The following TNPO1 variants were observed in gnomAD, a reference collection of about 807,000 sequenced individuals.
The protein encoded by TNPO1 is transportin 1, also known as transportin-1.
In TNPO1, 8 loss-of-function variants were observed where a neutral mutation model predicts 119.5. That is an observed-to-expected ratio of 0.07 (90% CI 0.04 to 0.12). TNPO1 has a LOEUF of 0.12. Among genes scored for constraint, TNPO1 ranks in the 10% least tolerant of loss-of-function variants. TNPO1 has a pLI of 1.00. For missense variants in TNPO1, 576 were observed against 1,089.8 expected, an observed-to-expected ratio of 0.53 and a Z score of 6.64; for synonymous variants, 362 against 363.0, an observed-to-expected ratio of 1.00 and a Z score of 0.03.
chr5:72,893,977 G>A (rs1250479509), intron 18 of TNPO1, among the ~76,000 whole-genome samples: 1 of 152,176 alleles, frequency 6.6e-6, no homozygotes, highest in African/African-American at 2.4e-5. Flanking sequence ...ATGCCCACCA[G>A]GGAAGCCTTG....
In TNPO1 at chr5:72,838,482, A is replaced by AT. The variant is rs1744785954; in HGVS notation, c.16-9903_16-9902insT. On this transcript the variant is annotated intron_variant, in intron 1 of 24. Transcript: ENST00000337273. The stretch of plus-strand genomic sequence containing the variant: ...GAATCATACCTTTTATTAACTTAAC[A>AT]ATTTCAGATGTGTTTCACAGGAAAA... Among the ~76,000 whole-genome samples the AT allele has an allele frequency of 2.6e-5, 4 of 152,170 alleles. No individual in the cohort carries two copies. In the South Asian group the frequency reaches 8.3e-4, roughly 31 times the overall value.
intron 1 of TNPO1, chr5:72,848,064 C>G: frequency 9.3e-7 from 1 of 1,077,182 alleles, no homozygotes. Context: ...CTGCGTGGCA[C>G]TAGGACCCAG....
chr5:72,817,265 C>G (rs1279277841), intron 1 of TNPO1, among the ~76,000 whole-genome samples: 1 of 152,210 alleles, frequency 6.6e-6, no homozygotes, highest in Non-Finnish European at 1.5e-5. Flanking sequence ...GCTTGCCGTT[C>G]TCTTCCTCCC....
intron 1 of TNPO1, 110 bp downstream of exon 1, chr5:72,816,862 C>CT: frequency 3.0e-6 from 4 of 1,354,272 alleles, no homozygotes; most frequent in Non-Finnish European, 4.0e-6. Context: ...CGCCCGCTCT[C>CT]TCGGCGCCTG....
At chr5:72,883,254 A>C (rs779156691) in intron 11 of TNPO1, 22 bp downstream of exon 11, 1 of 1,110,144 alleles carries the variant, frequency 9.0e-7, no homozygotes, top group Non-Finnish European at 1.4e-6. Flanking sequence ...AGGGAAAAGC[A>C]CAGTTGCCTA....
chr5:72,864,511 G>A (rs1746734358), intron 5 of TNPO1, among the ~76,000 whole-genome samples: 1 of 152,180 alleles, frequency 6.6e-6, no homozygotes, highest in South Asian at 2.1e-4. Context: ...GAAAATGGTT[G>A]CCAATTTGCA....
intron 1 of TNPO1, among the ~76,000 whole-genome samples, chr5:72,825,022 T>C (rs1744142805): frequency 6.6e-6 from 1 of 152,170 alleles, no homozygotes; most frequent in Admixed American, 6.5e-5. Context: ...ACTTTTTCTT[T>C]TACTCTTCAG....
At chr5:72,862,000 C>A in intron 5 of TNPO1, 86 bp downstream of exon 5, 1 of 912,312 alleles carries the variant, frequency 1.1e-6, no homozygotes, top group South Asian at 1.5e-5. Flanking sequence ...AAAAATAGTT[C>A]CTCTGAAACA....
At chr5:72,832,059 A>G (rs1039976754) in intron 1 of TNPO1, among the ~76,000 whole-genome samples, 2 of 152,082 alleles carry the variant, frequency 1.3e-5, no homozygotes, top group Non-Finnish European at 1.5e-5. Flanking sequence ...ATCTTTGAGT[A>G]TAATACTCTC....
rs78996657 is a variant in TNPO1 at position 72,857,058 on chromosome 5, C to T, written c.355+1135C>T. Among the ~76,000 whole-genome samples, 233 of 152,112 alleles carry T rather than the reference C, an allele frequency of 1.5e-3. 2 individuals carry two copies. Among genetic ancestry groups the T allele is most frequent in the African/African-American group, 5.0e-3 (209 of 41,484 alleles). On this transcript the variant is annotated intron_variant, in intron 4 of 24. Coordinates refer to ENST00000337273, the MANE Select transcript of TNPO1 (RefSeq NM_002270.4). Reference sequence around the variant, plus strand: ...GTTCCTGACTGGGCACGATGGCTCACGCTGTAATCCCAGCACTTTGGGAGG... The same window carrying T: ...GTTCCTGACTGGGCACGATGGCTCATGCTGTAATCCCAGCACTTTGGGAGG...
chr5:72,890,835 C>T (rs1047217433), intron 14 of TNPO1, among the ~76,000 whole-genome samples: 5 of 152,192 alleles, frequency 3.3e-5, no homozygotes, highest in South Asian at 2.1e-4. Context: ...CCATATTACA[C>T]GTTACAGTTC....
intron 1 of TNPO1, among the ~76,000 whole-genome samples, chr5:72,841,220 A>G (rs1332141772): frequency 6.6e-6 from 1 of 150,974 alleles, no homozygotes; most frequent in Non-Finnish European, 1.5e-5. Flanking sequence ...TCCTTGGTTC[A>G]AGAGATTCTC....
intron 6 of TNPO1, among the ~76,000 whole-genome samples, chr5:72,872,364 C>A (rs759282954): frequency 6.6e-5 from 10 of 152,116 alleles, no homozygotes; most frequent in Non-Finnish European, 1.3e-4. Flanking sequence ...CCCCAACCTC[C>A]ACTCTTTATG....
chr5:72,834,560 A>G (rs1365645674), intron 1 of TNPO1, among the ~76,000 whole-genome samples: 1 of 152,276 alleles, frequency 6.6e-6, no homozygotes, highest in Non-Finnish European at 1.5e-5. Context: ...AAGTGTGTAG[A>G]ATACAGCTAT....
chr5:72,900,170 C>A, intron 21 of TNPO1, 89 bp downstream of exon 21: 1 of 1,185,320 alleles, frequency 8.4e-7, no homozygotes, highest in Non-Finnish European at 1.2e-6. Context: ...CAGTTGGTTA[C>A]AAAAATCACA....
chr5:72,882,341 A>G (rs916344447), intron 9 of TNPO1, 126 bp from the exon 10 acceptor site: 8 of 604,776 alleles, frequency 1.3e-5, no homozygotes, highest in East Asian at 2.8e-5. Context: ...ATATCACTGA[A>G]TAAGTTCAAA....
intron 4 of TNPO1, among the ~76,000 whole-genome samples, chr5:72,859,220 G>C (rs542252752): frequency 6.5e-4 from 99 of 152,200 alleles, no homozygotes; most frequent in Admixed American, 2.6e-3. Context: ...TCCAACCTCA[G>C]CACTTGACAT....
chr5:72,887,552 G>T lies in TNPO1; in HGVS notation c.1303+330G>T, dbSNP rs531371408. The stretch of plus-strand genomic sequence containing the variant: ...ATACAAAAATTAGCTGGGCGTGGTG[G>T]CATGTGCCTGTAGTCCCAGCTACTT... On this transcript the variant is annotated intron_variant, in intron 12 of 24. Transcript: ENST00000337273. Among the ~76,000 whole-genome samples the T allele has an allele frequency of 3.9e-5, 6 of 152,276 alleles. No individual in the cohort carries two copies. The East Asian group carries it at 1.2e-3, about 29-fold the overall frequency.
rs1443722267 is a variant in TNPO1, at chr5:72,911,299, C to A, written c.*2626C>A. 6.6e-6 allele frequency: 1 copy of A among 151,550 alleles called. No homozygotes were observed. Among genetic ancestry groups the A allele is most frequent in the Non-Finnish European group, 1.5e-5 (1 of 67,782 alleles). 9.4% of individuals were successfully genotyped at this position (151,550 alleles called of 1,614,324 possible). ...ATGAATAACACTATTAAAAATGCAC[C>A]CAGTTTTGTAGTCACTTGACTTTTT... On this transcript the variant is annotated 3_prime_UTR_variant, in exon 25 of 25. Coordinates refer to ENST00000337273, the MANE Select transcript of TNPO1 (RefSeq NM_002270.4).
Sources: gnomAD v4.1 joint callset for allele counts (sites outside exome capture counted in the v4.1 genomes callset) on GRCh38, gnomAD v4.1.1 for gene constraint, MANE v1.5 for transcripts, NCBI Gene and HGNC (gene_info 2026-07-23, HGNC 2026-07-21) for gene names.